The following ARHGEF28 variants were observed in gnomAD, a reference collection of about 807,000 sequenced individuals.
ARHGEF28 encodes Rho guanine nucleotide exchange factor 28.
A neutral mutation model predicts 206.6 loss-of-function variants in ARHGEF28; 152 were observed. That is an observed-to-expected ratio of 0.74 (90% CI 0.64 to 0.84). The LOEUF is 0.84. Among genes scored for constraint, ARHGEF28 ranks in the 40% least tolerant of loss-of-function variants. The pLI is 0.00. For synonymous variants in ARHGEF28, 763 were observed against 776.4 expected (o/e 0.98, Z 0.29); for missense variants, 2,028 against 2,073.2 (o/e 0.98, Z 0.42).
chr5:73,663,858 T>C (rs1319239197), intron 1 of ARHGEF28, among the ~76,000 whole-genome samples: 1 of 152,226 alleles, frequency 6.6e-6, no homozygotes, highest in Non-Finnish European at 1.5e-5. Context: ...GTGAGAGAAA[T>C]TTGTAGTTCT....
chr5:73,797,614 C>T (rs1328640462), intron 9 of ARHGEF28, among the ~76,000 whole-genome samples: 2 of 152,000 alleles, frequency 1.3e-5, no homozygotes, highest in Admixed American at 6.6e-5. Context: ...AAACTCCTGA[C>T]CTCAAGTGAT....
chr5:73,879,452 G>A (rs1760763906), intron 22 of ARHGEF28, among the ~76,000 whole-genome samples: 1 of 152,186 alleles, frequency 6.6e-6, no homozygotes, highest in African/African-American at 2.4e-5. Flanking sequence ...GTCCAGCTTT[G>A]TTCCGTTGCT....
intron 2 of ARHGEF28, among the ~76,000 whole-genome samples, chr5:73,714,854 A>G (rs1233047756): frequency 6.6e-6 from 1 of 152,208 alleles, no homozygotes; most frequent in Non-Finnish European, 1.5e-5. Context: ...GACTTGTATC[A>G]TAAGAGATTA....
At chr5:73,866,824 T>C (rs941710850) in intron 18 of ARHGEF28, among the ~76,000 whole-genome samples, 8 of 152,248 alleles carry the variant, frequency 5.3e-5, no homozygotes, top group African/African-American at 1.9e-4. Flanking sequence ...CCTAAAGTTG[T>C]GTTGCTTGAC....
intron 4 of ARHGEF28, among the ~76,000 whole-genome samples, chr5:73,765,644 A>G (rs1013466603): frequency 6.6e-6 from 1 of 152,208 alleles, no homozygotes; most frequent in Non-Finnish European, 1.5e-5. Context: ...AAAGTAAGCT[A>G]GCTGTATGCT....
At chr5:73,906,165 A>G (rs561158957) in intron 33 of ARHGEF28, among the ~76,000 whole-genome samples, 5 of 152,352 alleles carry the variant, frequency 3.3e-5, no homozygotes, top group African/African-American at 1.2e-4. Context: ...ATTACATTTG[A>G]GTATATGACA....
intron 9 of ARHGEF28, among the ~76,000 whole-genome samples, chr5:73,816,960 T>C (rs998611013): frequency 1.3e-5 from 2 of 150,842 alleles, no homozygotes; most frequent in South Asian, 2.1e-4. Flanking sequence ...TGTTTTTTTG[T>C]TTTGTTTTGT....
Position 73,850,270 on chromosome 5 carries a change from G to A in ARHGEF28, c.1747+1183G>A, listed in dbSNP as rs188607726. On this transcript the variant is annotated intron_variant, in intron 13 of 35. Coordinates refer to ENST00000513042, the MANE Select transcript of ARHGEF28 (RefSeq NM_001177693.2). Reference sequence around the variant, plus strand: ...CATGATTTTTGTTTTCCTTTTTCTGGGATGTACTGTTAGAAGAGAAGAGAG... The same window carrying A: ...CATGATTTTTGTTTTCCTTTTTCTGAGATGTACTGTTAGAAGAGAAGAGAG... 2.9e-3 allele frequency among the ~76,000 whole-genome samples: 438 copies of A among 151,970 alleles called. 1 individual carries two copies. The highest frequency in any genetic ancestry group is 9.8e-3 in the African/African-American group (408 of 41,438).
intron 29 of ARHGEF28, 74 bp downstream of exon 29, chr5:73,894,649 A>C: frequency 6.6e-7 from 1 of 1,511,624 alleles, no homozygotes; most frequent in African/African-American, 1.4e-5. Context: ...AGTGCCATGC[A>C]CTGTGGTCTT....
At chr5:73,708,526 A>G (rs1345005884) in intron 2 of ARHGEF28, among the ~76,000 whole-genome samples, 19 of 152,204 alleles carry the variant, frequency 1.2e-4, no homozygotes, top group Admixed American at 1.2e-3. Context: ...CCTACAAAGG[A>G]CATGATTTGA....
At chr5:73,780,820 G>A in intron 7 of ARHGEF28, 75 bp downstream of exon 7, 1 of 1,490,876 alleles carries the variant, frequency 6.7e-7, no homozygotes, top group Non-Finnish European at 9.1e-7. Context: ...CCGTTGAAGT[G>A]TGTGGTGAAG....
chr5:73,652,401 G>C (rs1244880015), intron 1 of ARHGEF28, among the ~76,000 whole-genome samples: 1 of 152,170 alleles, frequency 6.6e-6, no homozygotes, highest in Non-Finnish European at 1.5e-5. Context: ...GGGTCTGTGG[G>C]ATTTTGGGCA....
chr5:73,933,045 C>T (rs1764221542), intron 35 of ARHGEF28, among the ~76,000 whole-genome samples: 3 of 152,032 alleles, frequency 2.0e-5, no homozygotes, highest in South Asian at 4.2e-4. Flanking sequence ...CTCCTGACCT[C>T]GTGATCCGCC....
At chr5:73,725,713 G>A (rs186285924) in intron 2 of ARHGEF28, among the ~76,000 whole-genome samples, 138 of 152,224 alleles carry the variant, frequency 9.1e-4, no homozygotes, top group Middle Eastern at 3.4e-3. Context: ...GGAAAGCTAG[G>A]GATATGCTTG....
chr5:73,744,758 T>G (rs1269151036), intron 2 of ARHGEF28, among the ~76,000 whole-genome samples: 1 of 152,074 alleles, frequency 6.6e-6, no homozygotes, highest in Non-Finnish European at 1.5e-5. Flanking sequence ...TAGAATCCAT[T>G]GGAAGATAGT....
At chr5:73,637,475 T>A (rs1262639016) in intron 1 of ARHGEF28, among the ~76,000 whole-genome samples, 1 of 152,254 alleles carries the variant, frequency 6.6e-6, no homozygotes, top group Non-Finnish European at 1.5e-5. Flanking sequence ...AAAAAGGTAG[T>A]ATTTTAAAGC....
chr5:73,817,097 C>CTTTAGTATAATGCA (rs1272213873), intron 9 of ARHGEF28, among the ~76,000 whole-genome samples: 4 of 152,198 alleles, frequency 2.6e-5, no homozygotes, highest in Non-Finnish European at 5.9e-5. Context: ...AAAATGCATA[C>CTTTAGTATAATGCA]TTTAGTATAA....
chr5:73,882,758 G>A (rs1177747085), intron 23 of ARHGEF28, among the ~76,000 whole-genome samples, 164 bp downstream of exon 23: 1 of 152,134 alleles, frequency 6.6e-6, no homozygotes, highest in African/African-American at 2.4e-5. Context: ...CTCTTTTTCT[G>A]TATTAGTAAA....
chr5:73,907,665 G>A (rs760934627), intron 33 of ARHGEF28, among the ~76,000 whole-genome samples: 107 of 152,152 alleles, frequency 7.0e-4, no homozygotes, highest in Non-Finnish European at 1.2e-3. Flanking sequence ...AGTGAATTGG[G>A]AATTTCCCTA....
Sources: gnomAD v4.1 joint callset for allele counts (sites outside exome capture counted in the v4.1 genomes callset) on GRCh38, gnomAD v4.1.1 for gene constraint, MANE v1.5 for transcripts, NCBI Gene and HGNC (gene_info 2026-07-23, HGNC 2026-07-21) for gene names.